The following NCKAP5L variants were observed in gnomAD, a reference collection of about 807,000 sequenced individuals.
NCKAP5L encodes the protein NCK associated protein 5 like.
In NCKAP5L, 54 loss-of-function variants were observed where a neutral mutation model predicts 103.2. That is an observed-to-expected ratio of 0.52 (90% CI 0.42 to 0.66). The LOEUF is 0.66. Among genes scored for constraint, NCKAP5L ranks in the 30% least tolerant of loss-of-function variants. The pLI, the probability that NCKAP5L is intolerant of heterozygous loss-of-function variation, is 0.00. For synonymous variants in NCKAP5L, 762 were observed against 748.6 expected (o/e 1.02, Z -0.29); for missense variants, 1,733 against 1,750.6 (o/e 0.99, Z 0.18).
rs1269536287 is a variant in NCKAP5L, at chr12:49,792,765, C to T, written c.3562G>A (p.Val1188Met). ...GGCATGCTGGGGTGCCGCCCACTCACCAGCAGCTCCTCTATGCCTGGCACC... is the reference window on the plus strand; with the variant it reads ...GGCATGCTGGGGTGCCGCCCACTCATCAGCAGCTCCTCTATGCCTGGCACC... ...REVPGIEELL[V>M]SGRHPSMPAF... The change falls in exon 11 of 13, where the codon GTG becomes ATG. Residue 1188 changes from valine to methionine, a missense_variant. Physicochemically the swap from Val to Met is conservative, Grantham distance 21 (BLOSUM62 1). Coordinates refer to ENST00000335999, the MANE Select transcript of NCKAP5L (RefSeq NM_001037806.4). This position sits in a 1 kb window ranked among gnomAD's most constrained non-coding sequence, Gnocchi z 4.5. The T allele has an allele frequency of 7.5e-6, 12 of 1,609,070 alleles. No homozygotes were observed. Among genetic ancestry groups the T allele is most frequent in the Non-Finnish European group, 1.0e-5 (12 of 1,178,760 alleles).
chr12:49,828,015 C>T (rs1164476317), intron 1 of NCKAP5L, among the ~76,000 whole-genome samples: 1 of 147,788 alleles, frequency 6.8e-6, no homozygotes, highest in African/African-American at 2.5e-5. Flanking sequence ...GCCCGGCCCC[C>T]GGAACATCCC....
rs571117653 is a variant in NCKAP5L, at chr12:49,803,070, C to A, written c.192+27G>T. On this transcript the variant is annotated intron_variant, in intron 4 of 12. Transcript: ENST00000335999. ...TGCCAGGAGCAGATGAGCCACATCC[C>A]CCCAGTCCCACTACAGACCCACAGA... is the stretch of plus-strand genomic sequence containing the variant. 5.6e-6 allele frequency: 9 copies of A among 1,614,236 alleles called. No homozygotes were observed. The South Asian group carries it at 9.9e-5, about 18-fold the overall frequency.
chr12:49,795,348 C>T lies in NCKAP5L; in HGVS notation c.2512G>A (p.Glu838Lys). 2 of 1,542,072 alleles carry T rather than the reference C, an allele frequency of 1.3e-6. No individual in the cohort carries two copies. The highest frequency in any genetic ancestry group is 1.3e-5 in the South Asian group (1 of 77,244). ...TTCCCTTTGTCAGGCTTGGGGGACT[C>T]CTTGGTGACTAGCGGAGCCCCAGGT... ...PRPGAPLVTKESPKPDKGKGP... is the reference protein window; with the variant it reads ...PRPGAPLVTKKSPKPDKGKGP... Residue 838 changes from glutamate (E) to lysine (K), a missense_variant, in exon 8 of 13, where the codon GAG becomes AAG. Coordinates refer to ENST00000335999, the MANE Select transcript of NCKAP5L (RefSeq NM_001037806.4).
chr12:49,806,330 A>G (rs935996336), intron 1 of NCKAP5L, among the ~76,000 whole-genome samples: 5 of 152,270 alleles, frequency 3.3e-5, no homozygotes, highest in Non-Finnish European at 5.9e-5. Context: ...GAATCATCAG[A>G]CAACAGAGGA....
intron 1 of NCKAP5L, among the ~76,000 whole-genome samples, chr12:49,807,044 G>T (rs929382114): frequency 6.6e-6 from 1 of 152,046 alleles, no homozygotes; most frequent in African/African-American, 2.4e-5. Context: ...CTTACCCAGG[G>T]GTCTCCGCTA....
intron 1 of NCKAP5L, among the ~76,000 whole-genome samples, chr12:49,812,387 CTT>C (rs542046179): frequency 8.4e-5 from 12 of 142,798 alleles, no homozygotes; most frequent in Non-Finnish European, 7.7e-5. Flanking sequence ...TGGTTTTCAT[CTT>C]TTTTTTTTTT....
Position 49,794,917 on chromosome 12 carries a change from T to G in NCKAP5L, c.2943A>C (p.Ala981=). The G allele has an allele frequency of 6.5e-7, 1 of 1,543,326 alleles. No homozygotes were observed. ...LMAKAEDLRR[A]LEEEKAYLSS... The stretch of plus-strand genomic sequence containing the variant: ...TTAGGTAGGCCTTCTCCTCTTCCAG[T>G]GCCCGACGCAGGTCTTCCGCCTTGG... Residue 981 remains alanine (A), a synonymous_variant, in exon 8 of 13, where the codon GCA becomes GCC. Coordinates refer to ENST00000335999, the MANE Select transcript of NCKAP5L (RefSeq NM_001037806.4).
At chr12:49,810,376 AGTTC>A (rs1946226762) in intron 1 of NCKAP5L, among the ~76,000 whole-genome samples, 1 of 152,156 alleles carries the variant, frequency 6.6e-6, no homozygotes, top group Non-Finnish European at 1.5e-5. Flanking sequence ...CATGGAGTCC[AGTTC>A]GAACTCTGCA....
intron 1 of NCKAP5L, among the ~76,000 whole-genome samples, chr12:49,818,058 G>A (rs1254293169): frequency 2.0e-5 from 3 of 152,134 alleles, no homozygotes; most frequent in East Asian, 3.9e-4. Context: ...GAACCCAGGA[G>A]GTAGTGGAGG....
intron 6 of NCKAP5L, among the ~76,000 whole-genome samples, chr12:49,800,902 G>A (rs1462794489): frequency 1.3e-5 from 2 of 152,236 alleles, no homozygotes; most frequent in Non-Finnish European, 2.9e-5. Flanking sequence ...CTGAGCTGCT[G>A]TGGTTGGGCC....
rs761154613 is a variant in NCKAP5L, at chr12:49,797,868, T to A, written c.466-474A>T. On this transcript the variant is annotated intron_variant, in intron 7 of 12. Transcript: ENST00000335999. The surrounding 1 kb of genome is among the most constrained non-coding windows in gnomAD (Gnocchi z 4.5). ...GGGAACACAGCTGACCCCGCTGACC[T>A]CATCCCCAGCAGAAAGGGGTTGGGG... Among the ~76,000 whole-genome samples the A allele has an allele frequency of 7.9e-5, 12 of 152,124 alleles. No individual in the cohort carries two copies. Among genetic ancestry groups the A allele is most frequent in the Non-Finnish European group, 1.8e-4 (12 of 68,020 alleles).
Position 49,794,968 on chromosome 12 carries a change from C to T in NCKAP5L, c.2892G>A (p.Glu964=), listed in dbSNP as rs762019764. 7 of 1,588,138 alleles carry T rather than the reference C, an allele frequency of 4.4e-6. No homozygotes were observed. The highest frequency in any genetic ancestry group is 4.3e-6 in the Non-Finnish European group (5 of 1,167,938). Residue 964 remains glutamate (E), a synonymous_variant, in exon 8 of 13, where the codon GAG becomes GAA. Coordinates refer to ENST00000335999, the MANE Select transcript of NCKAP5L (RefSeq NM_001037806.4). Reference sequence around the variant, plus strand: ...CCATCAGCTTGGAGATGTTGAGGCTCTCGGCCTCCAGCTTCCGGGCTTCCA... The same window carrying T: ...CCATCAGCTTGGAGATGTTGAGGCTTTCGGCCTCCAGCTTCCGGGCTTCCA... ...VKMEARKLEA[E]SLNISKLMAK...
At chr12:49,824,051 C>T (rs1031337467) in intron 1 of NCKAP5L, among the ~76,000 whole-genome samples, 11 of 152,160 alleles carry the variant, frequency 7.2e-5, no homozygotes, top group African/African-American at 2.2e-4. Flanking sequence ...CAGGGGTACT[C>T]GTTCCAGAGT....
intron 8 of NCKAP5L, 40 bp from the exon 9 acceptor site, chr12:49,793,936 C>T (rs756534626): frequency 7.0e-7 from 1 of 1,426,418 alleles, no homozygotes; most frequent in Non-Finnish European, 9.2e-7. Flanking sequence ...GGTGGTCTTG[C>T]CTGCCCAGAC....
chr12:49,821,063 T>A (rs1946356438), intron 1 of NCKAP5L, among the ~76,000 whole-genome samples: 1 of 152,116 alleles, frequency 6.6e-6, no homozygotes, highest in African/African-American at 2.4e-5. Flanking sequence ...GGTAAGGAGC[T>A]CGGCAGGGCC....
chr12:49,822,206 C>G (rs1161758326), intron 1 of NCKAP5L, among the ~76,000 whole-genome samples: 1 of 152,138 alleles, frequency 6.6e-6, no homozygotes, highest in Non-Finnish European at 1.5e-5. Flanking sequence ...CAAATCTGCC[C>G]TTGCCTTCAC....
intron 1 of NCKAP5L, among the ~76,000 whole-genome samples, chr12:49,821,547 T>C (rs554301501): frequency 6.6e-6 from 1 of 152,350 alleles, no homozygotes; most frequent in African/African-American, 2.4e-5. Context: ...CTGGCCTGAC[T>C]CCTGCTCCCA....
chr12:49,808,064 T>C (rs1189718995), intron 1 of NCKAP5L, among the ~76,000 whole-genome samples: 1 of 152,248 alleles, frequency 6.6e-6, no homozygotes, highest in Non-Finnish European at 1.5e-5. Flanking sequence ...AAGGCCAGGC[T>C]GTGAGGACTG....
chr12:49,800,307 G>C (rs960299669), intron 6 of NCKAP5L, among the ~76,000 whole-genome samples: 2 of 152,212 alleles, frequency 1.3e-5, no homozygotes, highest in African/African-American at 4.8e-5. Flanking sequence ...GTCACACTCT[G>C]CCTTGTGGCA....
Sources: gnomAD v4.1 joint callset for allele counts (sites outside exome capture counted in the v4.1 genomes callset) on GRCh38, gnomAD v4.1.1 for gene constraint, Gnocchi (gnomAD v3.1) non-coding constraint, MANE v1.5 for transcripts, NCBI Gene and HGNC (gene_info 2026-07-23, HGNC 2026-07-21) for gene names.